The following FAM135B variants were observed in gnomAD, a reference collection of about 807,000 sequenced individuals.
The protein encoded by FAM135B is protein FAM135B.
Under a neutral mutation model 127.7 loss-of-function variants are expected in FAM135B, and 43 were observed. That is an observed-to-expected ratio of 0.34 (90% CI 0.26 to 0.43). The LOEUF (loss-of-function observed/expected upper bound fraction) is 0.43, where lower values mean the gene tolerates loss of function less well. FAM135B is among the 20% of genes least tolerant of loss of function. FAM135B has a pLI of 1.00. For synonymous variants in FAM135B, 670 were observed against 665.1 expected (o/e 1.01, Z -0.11); for missense variants, 1,558 against 1,725.6 (o/e 0.90, Z 1.72).
chr8:138,441,766 T>A (rs1587462052), intron 1 of FAM135B: 1 of 152,050 alleles, frequency 6.6e-6, no homozygotes, highest in East Asian at 1.9e-4. Flanking sequence ...TTGATTCAAA[T>A]TCGATCATAT....
intron 7 of FAM135B, among the ~76,000 whole-genome samples, chr8:138,202,081 C>T (rs983249409): frequency 9.2e-5 from 13 of 141,790 alleles, no homozygotes; most frequent in African/African-American, 1.3e-4. Flanking sequence ...GCAAAGATCA[C>T]GCCATTGCAC....
rs189258546 is a variant in FAM135B at position 138,274,435 on chromosome 8, C to T, written c.158-8593G>A. Among the ~76,000 whole-genome samples the T allele has an allele frequency of 5.8e-4, 89 of 152,256 alleles. 1 individual carries two copies. The highest frequency in any genetic ancestry group is 2.1e-3 in the African/African-American group (86 of 41,550). ...AGTACTTTACAAGGTAATAGAATAT[C>T]ACAAGGCAAGTGGAGGCAGGGCGAG... On this transcript the variant is annotated intron_variant, in intron 3 of 19. Coordinates refer to ENST00000395297, the MANE Select transcript of FAM135B (RefSeq NM_015912.4).
At chr8:138,324,034 G>T (rs75046940) in intron 2 of FAM135B, among the ~76,000 whole-genome samples, 8,537 of 152,240 alleles carry the variant, frequency 0.056, 665 homozygotes, top group East Asian at 0.26. Context: ...TTAATTCTCT[G>T]TGCACATATC....
intron 9 of FAM135B, among the ~76,000 whole-genome samples, chr8:138,186,650 C>A (rs1815611606): frequency 6.6e-6 from 1 of 152,222 alleles, no homozygotes; most frequent in Non-Finnish European, 1.5e-5. Context: ...CACATCCGTG[C>A]AGCAGTTGGC....
chr8:138,364,299 G>C (rs1830611424), intron 2 of FAM135B, among the ~76,000 whole-genome samples: 1 of 152,190 alleles, frequency 6.6e-6, no homozygotes, highest in South Asian at 2.1e-4. Context: ...ATCATGCCCA[G>C]TCTGTCCACA....
chr8:138,278,069 G>A (rs1012977066), intron 3 of FAM135B, among the ~76,000 whole-genome samples: 8 of 152,104 alleles, frequency 5.3e-5, no homozygotes, highest in Non-Finnish European at 5.9e-5. Flanking sequence ...AGGGCTGGCT[G>A]ATGGTGCCCC....
At chr8:138,472,818 G>A (rs2131657797) in intron 1 of FAM135B, among the ~76,000 whole-genome samples, 1 of 152,258 alleles carries the variant, frequency 6.6e-6, no homozygotes, top group Admixed American at 6.5e-5. Context: ...GCTAGTAGAT[G>A]CAGGTATCAT....
At position 138,242,011 on chromosome 8, in the gene FAM135B, G is replaced by A. The variant is rs115123864; in HGVS notation, c.669+931C>T. ...TGCCTTTGGACTTAGACTTGCAAGG[G>A]GCCTTATAACACTAGCTTTCCTGGT... On this transcript the variant is annotated intron_variant, in intron 7 of 19. Coordinates refer to ENST00000395297, the MANE Select transcript of FAM135B (RefSeq NM_015912.4). This position sits in a 1 kb window ranked among gnomAD's most constrained non-coding sequence, Gnocchi z 9.6. 9.7e-3 allele frequency among the ~76,000 whole-genome samples: 1,471 copies of A among 152,108 alleles called. 27 individuals are homozygous for A. The highest frequency in any genetic ancestry group is 0.034 in the African/African-American group (1,415 of 41,466).
intron 2 of FAM135B, among the ~76,000 whole-genome samples, chr8:138,314,888 A>G (rs1826964442): frequency 6.7e-6 from 1 of 150,026 alleles, no homozygotes; most frequent in Non-Finnish European, 1.5e-5. Context: ...TCAAAAAAAA[A>G]AAAAAAAAAA....
chr8:138,472,162 T>G (rs953834327), intron 1 of FAM135B, among the ~76,000 whole-genome samples: 1 of 151,810 alleles, frequency 6.6e-6, no homozygotes, highest in Non-Finnish European at 1.5e-5. Flanking sequence ...ACAAAGTGTG[T>G]GTTGAGGGGG....
chr8:138,488,376 C>T (rs1815065936), intron 1 of FAM135B, among the ~76,000 whole-genome samples: 2 of 151,836 alleles, frequency 1.3e-5, no homozygotes, highest in South Asian at 4.2e-4. Flanking sequence ...AACAAATAAA[C>T]CGATGCATCT....
intron 2 of FAM135B, among the ~76,000 whole-genome samples, chr8:138,356,929 G>A (rs913509335): frequency 3.3e-5 from 5 of 152,124 alleles, no homozygotes; most frequent in Non-Finnish European, 5.9e-5. Context: ...GTCTTTTGCA[G>A]AGGTTTTAGA....
chr8:138,337,658 A>C (rs1828707507), intron 2 of FAM135B, among the ~76,000 whole-genome samples: 1 of 152,132 alleles, frequency 6.6e-6, no homozygotes, highest in African/African-American at 2.4e-5. Context: ...AGGAAGAATC[A>C]ATATTGTGAA....
rs1488957859 is a variant in FAM135B at position 138,151,779 on chromosome 8, G to A, written c.2696C>T (p.Ala899Val). 1.9e-6 allele frequency: 3 copies of A among 1,614,008 alleles called. No individual in the cohort carries two copies. Among genetic ancestry groups the A allele is most frequent in the Middle Eastern group, 1.6e-4 (1 of 6,084 alleles). The change falls in exon 13 of 20, where the codon GCA (alanine) becomes GTA (valine). Residue 899 changes from alanine (A) to valine (V), a missense_variant. Ala to Val is a moderately conservative substitution (Grantham distance 64). Transcript: ENST00000395297. ...ENPRTRSLHR[A>V]LEETPKGMPK... is the part of the protein sequence containing the mutation. ...CATGCCCTTTGGGGTTTCCTCAAGTGCTCTATGAAGAGATCTGGTCCTGGG... is the reference window on the plus strand; with the variant it reads ...CATGCCCTTTGGGGTTTCCTCAAGTACTCTATGAAGAGATCTGGTCCTGGG...
At chr8:138,400,244 G>A (rs535023364) in intron 1 of FAM135B, among the ~76,000 whole-genome samples, 1 of 152,142 alleles carries the variant, frequency 6.6e-6, no homozygotes, top group East Asian at 1.9e-4. Flanking sequence ...CTGCTTGGAG[G>A]GGGCAGGAGA....
intron 1 of FAM135B, among the ~76,000 whole-genome samples, chr8:138,396,489 C>T (rs1832859672): frequency 6.6e-6 from 1 of 152,140 alleles, no homozygotes; most frequent in Non-Finnish European, 1.5e-5. Flanking sequence ...GCATAGCAGG[C>T]TCACTCTGTC....
In FAM135B at chr8:138,153,333, G is replaced by T. The variant is rs6981857; in HGVS notation, c.1259-117C>A. 3.2e-5 allele frequency: 25 copies of T among 782,760 alleles called. 1 individual carries two copies. Among genetic ancestry groups the T allele is most frequent in the South Asian group, 1.9e-4 (8 of 43,016 alleles). 48.5% of individuals were successfully genotyped at this position (782,760 alleles called of 1,614,324 possible). A position where few individuals can be genotyped will look rare whatever the true frequency, so the allele number is the denominator to read the frequency against. On this transcript the variant is annotated intron_variant, in intron 12 of 19. Transcript: ENST00000395297. ...GCTATGTGGACTCGGTTCGAAGATG[G>T]GAGAATAGGAAGAGCTCCAGTCTAC...
intron 3 of FAM135B, among the ~76,000 whole-genome samples, chr8:138,300,979 C>T (rs1454390334): frequency 6.6e-6 from 1 of 151,876 alleles, no homozygotes; most frequent in Non-Finnish European, 1.5e-5. Context: ...CTCCATCTCT[C>T]GACTTTGTGA....
chr8:138,278,771 C>G (rs1031644252), intron 3 of FAM135B, among the ~76,000 whole-genome samples: 1 of 151,652 alleles, frequency 6.6e-6, no homozygotes, highest in East Asian at 1.9e-4. Flanking sequence ...GCCACGTTGG[C>G]CAGTCTGGAG....
Sources: gnomAD v4.1 joint callset for allele counts (sites outside exome capture counted in the v4.1 genomes callset) on GRCh38, gnomAD v4.1.1 for gene constraint, Gnocchi (gnomAD v3.1) non-coding constraint, MANE v1.5 for transcripts, NCBI Gene and HGNC (gene_info 2026-07-23, HGNC 2026-07-21) for gene names.